TMEM178A: variants seen among roughly 807,000 people sequenced by gnomAD.
TMEM178A encodes transmembrane protein 178A, also known as transmembrane protein 178.
TMEM178A carries 12 observed loss-of-function variants against 29.1 expected under a neutral mutation model. The observed-to-expected ratio is 0.41, with a 90% CI of 0.26 to 0.67. The LOEUF (loss-of-function observed/expected upper bound fraction) is 0.67. TMEM178A is among the 30% of genes least tolerant of loss of function. TMEM178A has a pLI of 0.29. For missense variants in TMEM178A, 366 were observed against 419.1 expected (o/e 0.87, Z 1.11); for synonymous variants, 210 against 187.2 (o/e 1.12, Z -0.99).
chr2:39,723,971 C>T, the TMEM178A span, among the ~76,000 whole-genome samples: 3 of 152,200 alleles, frequency 2.0e-5, no homozygotes, highest in Non-Finnish European at 2.9e-5. Flanking sequence ...AAGCAAGCTT[C>T]TATATTTCTA....
chr2:39,722,385 A>G (rs1482441960), downstream of TMEM178A, among the ~76,000 whole-genome samples: 1 of 152,194 alleles, frequency 6.6e-6, no homozygotes, highest in African/African-American at 2.4e-5. Flanking sequence ...TATACAGGAT[A>G]GCGTTTATTT....
At chr2:39,702,921 C>T (rs1370432727) in intron 1 of TMEM178A, among the ~76,000 whole-genome samples, 1 of 152,024 alleles carries the variant, frequency 6.6e-6, no homozygotes. Context: ...TAACGAGCCA[C>T]CTAGGTGATT....
chr2:39,724,045 A>C, the TMEM178A span, among the ~76,000 whole-genome samples: 1 of 152,224 alleles, frequency 6.6e-6, no homozygotes, highest in Non-Finnish European at 1.5e-5. Context: ...TTGTAAGCAC[A>C]GAATCTCTCC....
the TMEM178A span, among the ~76,000 whole-genome samples, chr2:39,728,222 C>CTGT: frequency 4.2e-3 from 646 of 152,306 alleles, 5 homozygotes; most frequent in African/African-American, 0.014. Flanking sequence ...TCTCCAGAAT[C>CTGT]TGTTTCCTGA....
intron 1 of TMEM178A, among the ~76,000 whole-genome samples, chr2:39,684,478 A>G (rs1351231285): frequency 6.6e-6 from 1 of 152,222 alleles, no homozygotes; most frequent in Non-Finnish European, 1.5e-5. Flanking sequence ...ACTGCTTTGT[A>G]TCGAGCATTA....
chr2:39,671,913 A>T (rs1245142252), intron 1 of TMEM178A, among the ~76,000 whole-genome samples: 1 of 152,172 alleles, frequency 6.6e-6, no homozygotes, highest in Non-Finnish European at 1.5e-5. Context: ...CTTATATCAC[A>T]CACATTTATC....
chr2:39,734,577 G>A, the TMEM178A span, among the ~76,000 whole-genome samples: 4 of 152,150 alleles, frequency 2.6e-5, no homozygotes, highest in African/African-American at 9.7e-5. Flanking sequence ...ATATTCAATT[G>A]CCTAATCAAC....
the TMEM178A span, among the ~76,000 whole-genome samples, chr2:39,731,472 C>G: frequency 6.6e-6 from 1 of 152,126 alleles, no homozygotes; most frequent in Non-Finnish European, 1.5e-5. Flanking sequence ...TGGGTAGGTA[C>G]AAAGAGAGCA....
chr2:39,689,221 C>T (rs1283939189), intron 1 of TMEM178A, among the ~76,000 whole-genome samples: 1 of 152,200 alleles, frequency 6.6e-6, no homozygotes, highest in Non-Finnish European at 1.5e-5. Context: ...ACTGCCAACC[C>T]ATGCTAAAAT....
chr2:39,707,200 C>A lies in TMEM178A; in HGVS notation c.652+14C>A, dbSNP rs558823004. On this transcript the variant is annotated intron_variant, in intron 3 of 3. Coordinates refer to ENST00000281961, the MANE Select transcript of TMEM178A (RefSeq NM_152390.3). ...TCCTCATGACAGGTAGGCTGCATGC[C>A]TCAGGCCGTCTGTCCCAGCCAAGGT... 6.2e-7 allele frequency: 1 copy of A among 1,602,462 alleles called. No homozygotes were observed. The highest frequency in any genetic ancestry group is 1.3e-5 in the African/African-American group (1 of 74,588).
intron 1 of TMEM178A, among the ~76,000 whole-genome samples, chr2:39,678,714 A>G (rs1333336550): frequency 6.6e-6 from 1 of 152,224 alleles, no homozygotes; most frequent in Non-Finnish European, 1.5e-5. Flanking sequence ...CAAATCTCTG[A>G]TAATTTCCCA....
intron 1 of TMEM178A, among the ~76,000 whole-genome samples, chr2:39,667,129 G>A (rs943318673): frequency 6.6e-6 from 1 of 152,226 alleles, no homozygotes; most frequent in African/African-American, 2.4e-5. Context: ...TCCAGGCACT[G>A]AGGAGAGAAA....
chr2:39,707,845 C>T (rs1208032795), intron 3 of TMEM178A, among the ~76,000 whole-genome samples: 2 of 152,196 alleles, frequency 1.3e-5, no homozygotes, highest in African/African-American at 4.8e-5. Context: ...ATGAGGTGCC[C>T]TCAAAGACAG....
rs546457501 is a variant in TMEM178A, at chr2:39,685,458, A to G, written c.401-18623A>G. ...GACATCTCTTTGTGCTAGTCTTTCA[A>G]TAATGCCCCTGTCCTTCTCTAGACT... On this transcript the variant is annotated intron_variant, in intron 1 of 3. Transcript: ENST00000281961. 3.9e-5 allele frequency among the ~76,000 whole-genome samples: 6 copies of G among 152,318 alleles called. No homozygotes were observed. The East Asian group carries it at 7.7e-4, about 20-fold the overall frequency.
intron 3 of TMEM178A, among the ~76,000 whole-genome samples, chr2:39,712,731 T>G (rs987987004): frequency 3.2e-4 from 49 of 151,812 alleles, no homozygotes; most frequent in Admixed American, 3.2e-3. Context: ...AGGGGAGAAG[T>G]GGAAAGGAAG....
At chr2:39,700,494 T>A (rs1295063703) in intron 1 of TMEM178A, among the ~76,000 whole-genome samples, 1 of 152,112 alleles carries the variant, frequency 6.6e-6, no homozygotes, top group African/African-American at 2.4e-5. Context: ...AGCCATTTCA[T>A]CTTTCAGTTA....
chr2:39,687,903 T>G (rs1383258724), intron 1 of TMEM178A, among the ~76,000 whole-genome samples: 1 of 152,256 alleles, frequency 6.6e-6, no homozygotes, highest in Non-Finnish European at 1.5e-5. Flanking sequence ...TGGAGGCAGA[T>G]GCAAATTCAA....
the TMEM178A span, among the ~76,000 whole-genome samples, chr2:39,732,063 A>G: frequency 6.6e-6 from 1 of 152,114 alleles, no homozygotes; most frequent in Admixed American, 6.5e-5. Flanking sequence ...CCATCCATCT[A>G]AACTGATACT....
intron 1 of TMEM178A, among the ~76,000 whole-genome samples, chr2:39,686,947 A>G (rs932812831): frequency 1.5e-4 from 22 of 146,100 alleles, no homozygotes; most frequent in African/African-American, 5.6e-4. Flanking sequence ...GTGGCAGAGT[A>G]TATGTGCACA....
Sources: allele counts gnomAD v4.1 joint callset (sites outside exome capture counted in the v4.1 genomes callset), GRCh38; gene constraint gnomAD v4.1.1; transcripts MANE v1.5; gene names NCBI Gene and HGNC (gene_info 2026-07-23, HGNC 2026-07-21).